The following NAALAD2 variants were observed in gnomAD, a reference collection of about 807,000 sequenced individuals.
The protein encoded by NAALAD2 is N-acetylated alpha-linked acidic dipeptidase 2, also known as N-acetylated-alpha-linked acidic dipeptidase 2.
In NAALAD2, 89 loss-of-function variants were observed where a neutral mutation model predicts 95.6. The ratio of observed to expected loss-of-function variants is 0.93; its 90% CI spans 0.78 to 1.11. The LOEUF is 1.11. NAALAD2 is among the 50% of genes least tolerant of loss of function. NAALAD2 has a pLI of 0.00. For synonymous variants in NAALAD2, 264 were observed against 294.4 expected, an observed-to-expected ratio of 0.90 and a Z score of 1.06; for missense variants, 894 against 872.4, an observed-to-expected ratio of 1.02 and a Z score of -0.31.
At chr11:90,135,794 A>G in intron 2 of NAALAD2, 124 bp downstream of exon 2, 1 of 656,378 alleles carries the variant, frequency 1.5e-6, no homozygotes, top group Non-Finnish European at 2.2e-6. Context: ...ATTAGTCATC[A>G]ACTTTTTTTT....
intron 13 of NAALAD2, among the ~76,000 whole-genome samples, chr11:90,171,536 CCT>C (rs1952635512): frequency 6.6e-6 from 1 of 152,052 alleles, no homozygotes; most frequent in South Asian, 2.1e-4. Flanking sequence ...AGAGATGATC[CCT>C]GGCCTTGATG....
intron 16 of NAALAD2, among the ~76,000 whole-genome samples, chr11:90,178,443 G>A (rs1444912475): frequency 1.3e-5 from 2 of 152,088 alleles, no homozygotes; most frequent in Non-Finnish European, 2.9e-5. Flanking sequence ...AGGCTGAGGC[G>A]GGCAGATGAT....
intron 18 of NAALAD2, among the ~76,000 whole-genome samples, chr11:90,187,845 GATGT>G (rs933143164): frequency 4.6e-5 from 7 of 152,092 alleles, no homozygotes; most frequent in Non-Finnish European, 8.8e-5. Context: ...AGACTAATCT[GATGT>G]ATGTATGTAT....
intron 11 of NAALAD2, among the ~76,000 whole-genome samples, chr11:90,167,203 C>G (rs1952484983): frequency 6.6e-6 from 1 of 152,022 alleles, no homozygotes; most frequent in Non-Finnish European, 1.5e-5. Flanking sequence ...AAGGAGCGGG[C>G]GGGAACCGGG....
At position 90,192,730 on chromosome 11, in the gene NAALAD2, A is replaced by G. The variant is rs1857367990; in HGVS notation, c.*983A>G. 2 of 151,854 alleles carry G rather than the reference A, an allele frequency of 1.3e-5. No homozygotes were observed. The highest frequency in any genetic ancestry group is 4.8e-5 in the African/African-American group (2 of 41,292). 9.4% of individuals were successfully genotyped at this position (151,854 alleles called of 1,614,324 possible). ...ATAATTTCAGCTCTACTGAATAAAC[A>G]TATAAGTCTGATGGGTGATGAAAAT... On this transcript the variant is annotated 3_prime_UTR_variant, in exon 19 of 19. Transcript: ENST00000534061.
intron 13 of NAALAD2, among the ~76,000 whole-genome samples, chr11:90,173,155 T>G (rs960109079): frequency 1.3e-5 from 2 of 152,120 alleles, no homozygotes; most frequent in African/African-American, 4.8e-5. Flanking sequence ...GTAAATGTAT[T>G]TTTAATGAAA....
At chr11:90,183,083 C>T in intron 18 of NAALAD2, 75 bp downstream of exon 18, 1 of 1,036,254 alleles carries the variant, frequency 9.7e-7, no homozygotes, top group East Asian at 2.4e-5. Context: ...TAAACTAATG[C>T]CATTAGATGG....
In NAALAD2 at chr11:90,158,224, A is replaced by C. The variant is rs1167251547; in HGVS notation, c.876A>C (p.Ala292=). The part of the protein sequence containing the change: ...IPVHPIGYND[A]EILLRYLGGI... ...TACATCCCATTGGATATAATGATGC[A>C]GAAATATTATTACGGTATAGTTTTC... is the stretch of plus-strand genomic sequence containing the variant. Residue 292 remains alanine (A), a synonymous_variant, in exon 7 of 19, where the codon GCA becomes GCC. Coordinates refer to ENST00000534061, the MANE Select transcript of NAALAD2 (RefSeq NM_005467.4). The C allele has an allele frequency of 1.9e-6, 3 of 1,606,202 alleles. No homozygotes were observed. The highest frequency in any genetic ancestry group is 2.2e-5 in the East Asian group (1 of 44,788).
Position 90,162,978 on chromosome 11 carries a change from A to G in NAALAD2, c.1019A>G (p.Asn340Ser), listed in dbSNP as rs1406474383. The G allele has an allele frequency of 3.2e-6, 5 of 1,568,008 alleles. No individual in the cohort carries two copies. Among genetic ancestry groups the G allele is most frequent in the African/African-American group, 2.7e-5 (2 of 73,482 alleles). ...GTTAGAATGCATGTTTATAACATCA[A>G]TAAAATTACAAGGATTTACAATGTA... ...RKVRMHVYNI[N>S]KITRIYNVVG... The change falls in exon 9 of 19, where the codon AAT becomes AGT. Residue 340 changes from asparagine (N) to serine (S), a missense_variant. Transcript: ENST00000534061.
rs1311645401 is a variant in NAALAD2, at chr11:90,135,567, A to T, written c.91A>T (p.Ile31Phe). ...GTATTTTTTTTCCTTAGGCTGGTTT[A>T]TTAAGCCTCTCAAAGAAACGACCAC... is the stretch of plus-strand genomic sequence containing the variant. ...FLMGFMVGWF[I>F]KPLKETTTSV... Residue 31 changes from isoleucine to phenylalanine, a missense_variant, in exon 2 of 19, where the codon ATT (isoleucine) becomes TTT (phenylalanine). Physicochemically the swap from Ile to Phe is conservative, Grantham distance 21. Coordinates refer to ENST00000534061, the MANE Select transcript of NAALAD2 (RefSeq NM_005467.4). The T allele has an allele frequency of 6.2e-7, 1 of 1,608,862 alleles. No individual in the cohort carries two copies. Among genetic ancestry groups the T allele is most frequent in the Non-Finnish European group, 8.5e-7 (1 of 1,177,174 alleles).
chr11:90,153,265 C>T (rs1166026809), intron 6 of NAALAD2, among the ~76,000 whole-genome samples: 1 of 152,092 alleles, frequency 6.6e-6, no homozygotes, highest in Non-Finnish European at 1.5e-5. Flanking sequence ...TGTACAAGAC[C>T]TTGTATGTAC....
intron 18 of NAALAD2, among the ~76,000 whole-genome samples, 175 bp from the exon 19 acceptor site, chr11:90,191,383 G>T (rs572450031): frequency 1.3e-5 from 2 of 152,074 alleles, no homozygotes; most frequent in East Asian, 3.9e-4. Flanking sequence ...AATGCATATT[G>T]TTAGCTTCTT....
chr11:90,173,253 A>T (rs1270205344), intron 13 of NAALAD2, among the ~76,000 whole-genome samples: 5 of 152,136 alleles, frequency 3.3e-5, no homozygotes, highest in Admixed American at 1.3e-4. Context: ...AGAGTTTTTT[A>T]AAAAATCCAT....
At chr11:90,179,784 T>TA (rs5793434) in intron 16 of NAALAD2, among the ~76,000 whole-genome samples, 63,070 of 151,674 alleles carry the variant, frequency 0.42, 13,396 homozygotes, top group South Asian at 0.5. Flanking sequence ...ACCACACAGT[T>TA]AGAGTGGAAG....
intron 16 of NAALAD2, 101 bp from the exon 17 acceptor site, chr11:90,181,519 C>T (rs529461326): frequency 1.1e-5 from 8 of 735,132 alleles, no homozygotes; most frequent in South Asian, 6.6e-5. Flanking sequence ...AAAATGGCTT[C>T]GACATCTATG....
intron 6 of NAALAD2, among the ~76,000 whole-genome samples, chr11:90,156,656 G>A (rs568986455): frequency 6.6e-5 from 10 of 151,996 alleles, no homozygotes; most frequent in Admixed American, 1.3e-4. Flanking sequence ...TCCAACCATC[G>A]CTCACTGTAA....
chr11:90,165,226 G>C (rs1952407120), intron 11 of NAALAD2, among the ~76,000 whole-genome samples: 4 of 152,164 alleles, frequency 2.6e-5, no homozygotes, highest in Admixed American at 2.6e-4. Context: ...GTCATTGATG[G>C]ATATCTGGGT....
intron 18 of NAALAD2, among the ~76,000 whole-genome samples, chr11:90,189,717 C>G (rs1450632657): frequency 6.6e-6 from 1 of 151,072 alleles, no homozygotes; most frequent in Non-Finnish European, 1.5e-5. Flanking sequence ...TGCAGTGAGC[C>G]GAGATCATGC....
rs1490424892 is a variant in NAALAD2, at chr11:90,151,155, C to A, written c.609+548C>A. ...ACCTGGGTTCTTGTCTAGTCTGGCT[C>A]CTATTCTTTCTAGATCTTTTACTGT... is the stretch of plus-strand genomic sequence containing the variant. On this transcript the variant is annotated intron_variant, in intron 5 of 18. Coordinates refer to ENST00000534061, the MANE Select transcript of NAALAD2 (RefSeq NM_005467.4). Among the ~76,000 whole-genome samples, 4 of 152,024 alleles carry A rather than the reference C, an allele frequency of 2.6e-5. No homozygotes were observed. The East Asian group carries it at 7.7e-4, about 29-fold the overall frequency.
Sources: allele counts gnomAD v4.1 joint callset (sites outside exome capture counted in the v4.1 genomes callset), GRCh38; gene constraint gnomAD v4.1.1; transcripts MANE v1.5; gene names NCBI Gene and HGNC (gene_info 2026-07-23, HGNC 2026-07-21).